Variants in FANK1 observed in about 807,000 individuals in gnomAD.
The protein encoded by FANK1 is fibronectin type III and ankyrin repeat domains 1, also known as fibronectin type 3 and ankyrin repeat domains protein 1.
FANK1 carries 44 observed loss-of-function variants against 45.3 expected under a neutral mutation model. The ratio of observed to expected loss-of-function variants is 0.97; its 90% confidence interval spans 0.76 to 1.25. FANK1 has a LOEUF of 1.25. Ranked by LOEUF, FANK1 falls within the 50% of genes most tolerant of loss-of-function variation. The pLI is 0.00. For synonymous variants in FANK1, 149 were observed against 152.5 expected (o/e 0.98, Z 0.17); for missense variants, 391 against 424.4 (o/e 0.92, Z 0.69).
chr10:125,988,671 A>C lies in FANK1; in HGVS notation c.312A>C (p.Thr104=). The change falls in exon 3 of 11, where the codon ACA becomes ACC. Residue 104 remains threonine, a synonymous_variant. Transcript: ENST00000368693. ...ACAGCCCACTCGTCTCAGTGTCTAC[A>C]ACCAGTGAGTATTCAGACCGTCCAC... ...CEYSPLVSVS[T]TREPISSEHL... is the part of the protein sequence containing the mutation. The C allele has an allele frequency of 1.9e-6, 3 of 1,614,170 alleles. No individual in the cohort carries two copies. Among genetic ancestry groups the C allele is most frequent in the African/African-American group, 2.7e-5 (2 of 75,036 alleles).
At chr10:125,999,525 T>C (rs1165676792) in intron 6 of FANK1, among the ~76,000 whole-genome samples, 1 of 152,206 alleles carries the variant, frequency 6.6e-6, no homozygotes, top group East Asian at 1.9e-4. Flanking sequence ...ATTCCTTTGA[T>C]TGCAGCATAC....
chr10:125,980,339 G>C lies in FANK1; in HGVS notation c.191+1G>C, dbSNP rs149265502. The C allele has an allele frequency of 6.2e-7, 1 of 1,612,764 alleles. No homozygotes were observed. Among genetic ancestry groups the C allele is most frequent in the Non-Finnish European group, 8.5e-7 (1 of 1,179,694 alleles). The stretch of plus-strand genomic sequence containing the variant: ...TGCACACTTATGGTATCATTTATAC[G>C]TAGGTGCAGTGTTGAATTGCTTGCC... On this transcript the variant is annotated splice_donor_variant, in intron 2 of 10. Transcript: ENST00000368693. LOFTEE classifies it high-confidence loss of function.
At chr10:125,916,994 C>T in intron 1 of FANK1, among the ~76,000 whole-genome samples, 1 of 152,216 alleles carries the variant, frequency 6.6e-6, no homozygotes, top group East Asian at 1.9e-4. Flanking sequence ...CTACGCTTAG[C>T]TCCTACCCCT....
At chr10:125,991,421 G>T (rs11598195) in intron 3 of FANK1, among the ~76,000 whole-genome samples, 5 of 151,914 alleles carry the variant, frequency 3.3e-5, no homozygotes, top group Non-Finnish European at 5.9e-5. Flanking sequence ...GCAGGCTCTT[G>T]GCTCTGTGGG....
chr10:125,907,461 G>A (rs911109507), intron 1 of FANK1: 16 of 985,032 alleles, frequency 1.6e-5, no homozygotes, highest in African/African-American at 5.2e-5. Context: ...TTTTAGTGTG[G>A]ATGGGATCAC....
intron 1 of FANK1, among the ~76,000 whole-genome samples, chr10:125,941,655 TGAG>T (rs765572567): frequency 2.8e-4 from 42 of 152,240 alleles, no homozygotes; most frequent in Admixed American, 6.5e-4. Context: ...ATGCCCATTG[TGAG>T]GAGCCTGAGT....
At chr10:125,952,209 A>G (rs1372358450) in intron 1 of FANK1, among the ~76,000 whole-genome samples, 1 of 152,098 alleles carries the variant, frequency 6.6e-6, no homozygotes, top group Non-Finnish European at 1.5e-5. Context: ...TAAAAAAAAA[A>G]GCGTGGTGTG....
chr10:125,940,776 C>T (rs1459230432), intron 1 of FANK1, among the ~76,000 whole-genome samples: 5 of 152,206 alleles, frequency 3.3e-5, no homozygotes, highest in African/African-American at 4.8e-5. Context: ...GAGGTACCTG[C>T]GGCTTTCCGC....
intron 1 of FANK1, among the ~76,000 whole-genome samples, chr10:125,915,141 C>T (rs1181168842): frequency 6.6e-6 from 1 of 152,168 alleles, no homozygotes; most frequent in African/African-American, 2.4e-5. Flanking sequence ...AAAAATACTG[C>T]AGGGGACTGC....
In FANK1 at chr10:125,976,119, A is replaced by ATTT. The variant is rs34301072; in HGVS notation, c.14-4028_14-4026dup. On this transcript the variant is annotated intron_variant, in intron 1 of 10. Transcript: ENST00000368693. ...CAGGATATGAAATTATTGGTTGAAG[A>ATTT]TTTTTTTTTTTTTTTTAAAGAATGT... Among the ~76,000 whole-genome samples, 42 of 145,734 alleles carry ATTT rather than the reference A, an allele frequency of 2.9e-4. No individual in the cohort carries two copies. The East Asian group carries it at 5.8e-3, about 20-fold the overall frequency.
At chr10:125,939,189 G>A (rs369294995) in intron 1 of FANK1, among the ~76,000 whole-genome samples, 1 of 152,188 alleles carries the variant, frequency 6.6e-6, no homozygotes, top group South Asian at 2.1e-4. Context: ...CGAAAGATGG[G>A]CATCTGTTCT....
intron 2 of FANK1, among the ~76,000 whole-genome samples, chr10:125,985,046 G>T (rs1212488474): frequency 6.6e-6 from 1 of 152,210 alleles, no homozygotes; most frequent in Non-Finnish European, 1.5e-5. Flanking sequence ...AGTGATGCAA[G>T]AATCTTCAGC....
At position 125,996,496 on chromosome 10, in the gene FANK1, ACT is replaced by A. The variant is rs1952338531; in HGVS notation, c.399-51_399-50del. On this transcript the variant is annotated intron_variant, in intron 4 of 10. Transcript: ENST00000368693. ...AGCCCTGTGAGAACCACCGGCTTTG[ACT>A]CTGCAGTAGCTGTACTGAGCATGTT... The A allele has an allele frequency of 1.3e-5, 20 of 1,556,960 alleles. No individual in the cohort carries two copies. In the South Asian group the frequency reaches 2.1e-4, roughly 16 times the overall value.
chr10:125,922,651 G>A (rs1947026234), intron 1 of FANK1, among the ~76,000 whole-genome samples: 1 of 152,178 alleles, frequency 6.6e-6, no homozygotes, highest in East Asian at 1.9e-4. Context: ...CGAATAGCTG[G>A]GTCTATAGGT....
At chr10:125,963,091 A>T (rs1213918189) in intron 1 of FANK1, among the ~76,000 whole-genome samples, 4 of 151,060 alleles carry the variant, frequency 2.6e-5, no homozygotes, top group Admixed American at 2.6e-4. Context: ...GGTTCAAGCG[A>T]TTCTGCCTCA....
intron 1 of FANK1, among the ~76,000 whole-genome samples, chr10:125,928,715 A>C (rs1483741726): frequency 1.3e-5 from 2 of 152,170 alleles, no homozygotes; most frequent in East Asian, 3.8e-4. Context: ...TAAGTAGGGA[A>C]GGGCATCTTC....
intron 1 of FANK1, among the ~76,000 whole-genome samples, chr10:125,955,069 A>G (rs1455829782): frequency 2.0e-5 from 3 of 151,970 alleles, no homozygotes; most frequent in Non-Finnish European, 4.4e-5. Flanking sequence ...TCCACCAAGA[A>G]TATCTGTGAA....
At chr10:125,897,119 C>G (rs12098706) in intron 1 of FANK1, among the ~76,000 whole-genome samples, 1 of 150,954 alleles carries the variant, frequency 6.6e-6, no homozygotes, top group Non-Finnish European at 1.5e-5. Context: ...TTACTCCCCG[C>G]CCCCCGCCCC....
intron 1 of FANK1, among the ~76,000 whole-genome samples, chr10:125,966,241 G>C (rs1030525474): frequency 6.6e-6 from 1 of 152,164 alleles, no homozygotes; most frequent in Non-Finnish European, 1.5e-5. Context: ...GATAAGGAAT[G>C]TTTTGGGATA....
Sources: gnomAD v4.1 joint callset for allele counts (sites outside exome capture counted in the v4.1 genomes callset) on GRCh38, gnomAD v4.1.1 for gene constraint, MANE v1.5 for transcripts, NCBI Gene and HGNC (gene_info 2026-07-23, HGNC 2026-07-21) for gene names.